Variants in AANAT observed in about 807,000 individuals in gnomAD.
AANAT encodes the protein aralkylamine N-acetyltransferase.
Under a neutral mutation model 15.6 loss-of-function variants are expected in AANAT, and 11 were observed. The ratio of observed to expected loss-of-function variants is 0.71; its 90% CI spans 0.44 to 1.17. The LOEUF is 1.17. AANAT is among the 50% of genes most tolerant of loss of function. The probability of loss-of-function intolerance (pLI) is 0.00; values close to 1 mark genes in which losing one functional copy is unlikely to be tolerated. For synonymous variants in AANAT, 139 were observed against 131.5 expected, an observed-to-expected ratio of 1.06 and a Z score of -0.39; for missense variants, 286 against 296.3, an observed-to-expected ratio of 0.97 and a Z score of 0.26.
chr17:76,469,523 C>T lies in AANAT; in HGVS notation c.319-142C>T. On this transcript the variant is annotated intron_variant, in intron 3 of 3. Coordinates refer to ENST00000392492, the MANE Select transcript of AANAT (RefSeq NM_001088.3). The surrounding 1 kb of genome is among the most constrained non-coding windows in gnomAD (Gnocchi z 5.2). ...TCCATGGGGTTGGGGGTATGGCTCC[C>T]AATTTGGGGCCCTCCTTTGCTGGGG... 8.2e-7 allele frequency: 1 copy of T among 1,223,464 alleles called. No individual in the cohort carries two copies. The highest frequency in any genetic ancestry group is 1.1e-6 in the Non-Finnish European group (1 of 908,242). 75.8% of individuals were successfully genotyped at this position (1,223,464 alleles called of 1,614,324 possible).
At chr17:76,464,962 A>G (rs978420707), upstream of AANAT, among the ~76,000 whole-genome samples, 7 of 151,706 alleles carry the variant, frequency 4.6e-5, no homozygotes, top group African/African-American at 1.7e-4. Flanking sequence ...CACCTGGCTG[A>G]TTTTTTGTAT....
Position 76,461,609 on chromosome 17 carries a change from A to G in AANAT, c.-455-707A>G, listed in dbSNP as rs1400131965. Among the ~76,000 whole-genome samples the G allele has an allele frequency of 4.2e-5, 6 of 143,416 alleles. No individual in the cohort carries two copies. The East Asian group carries it at 1.2e-3, about 29-fold the overall frequency. 94.1% of individuals were successfully genotyped at this position (143,416 alleles called of 152,430 possible). A position where few individuals can be genotyped will look rare whatever the true frequency, so the allele number is the denominator to read the frequency against. On this transcript the variant is annotated intron_variant, in intron 2 of 6. Coordinates refer to the AANAT transcript ENST00000250615. The stretch of plus-strand genomic sequence containing the variant: ...GGTGACAGAGTGAGCCTCCACCAAA[A>G]AAAAAAAAAAAAAAAAAAAAAGGAA...
chr17:76,467,632 G>A lies in AANAT; in HGVS notation c.-171G>A, dbSNP rs2073453678. On this transcript the variant is annotated 5_prime_UTR_variant, in exon 1 of 4. Coordinates refer to ENST00000392492, the MANE Select transcript of AANAT (RefSeq NM_001088.3). ...ATCTGCTACTACAGCCTTGCAGCCC[G>A]GAGTCCCGGATTTTACTGGTTCCCG... is the stretch of plus-strand genomic sequence containing the variant. 1 of 985,544 alleles carries A rather than the reference G, an allele frequency of 1.0e-6. No individual in the cohort carries two copies. The highest frequency in any genetic ancestry group is 1.2e-6 in the Non-Finnish European group (1 of 830,014). 61.0% of individuals were successfully genotyped at this position (985,544 alleles called of 1,614,324 possible). A position where few individuals can be genotyped will look rare whatever the true frequency, so the allele number is the denominator to read the frequency against.
rs1048033460 is a variant in AANAT, at chr17:76,467,649, T to G, written c.-154T>G. ...TGCAGCCCGGAGTCCCGGATTTTAC[T>G]GGTTCCCGTGCCTGCGGACAGGCCC... On this transcript the variant is annotated 5_prime_UTR_variant, in exon 1 of 4. Transcript: ENST00000392492. 103 of 985,570 alleles carry G rather than the reference T, an allele frequency of 1.0e-4. No individual in the cohort carries two copies. In the African/African-American group the frequency reaches 1.7e-3, roughly 16 times the overall value. The allele number at this position is 985,570 out of a possible 1,614,324, so 61.1% of individuals were successfully genotyped here.
At chr17:76,458,962 C>G (rs1307586372) in intron 1 of AANAT, among the ~76,000 whole-genome samples, 1 of 152,246 alleles carries the variant, frequency 6.6e-6, no homozygotes, top group Admixed American at 6.5e-5. Context: ...CAGCTGAATG[C>G]CGCTCAAGGC....
upstream of AANAT, among the ~76,000 whole-genome samples, chr17:76,465,458 C>A (rs1381441038): frequency 6.6e-6 from 1 of 151,804 alleles, no homozygotes. Context: ...ACCTCAGCCT[C>A]CCAAGTAGCT....
At position 76,457,199 on chromosome 17, in the gene AANAT, C is replaced by T. The variant is rs566185672; in HGVS notation, c.-575-2048C>T. 1.8e-3 allele frequency among the ~76,000 whole-genome samples: 277 copies of T among 152,226 alleles called. 1 individual carries two copies. Among genetic ancestry groups the T allele is most frequent in the Non-Finnish European group, 3.0e-3 (201 of 68,020 alleles). On this transcript the variant is annotated intron_variant, in intron 1 of 6. Coordinates refer to the AANAT transcript ENST00000250615. ...CTGGGATTACAGGCGCCCACCACCA[C>T]GGCTGGCTAATTTTTGTATTTTTAG...
chr17:76,455,450 CA>C (rs2073335062), intron 1 of AANAT, among the ~76,000 whole-genome samples: 1 of 152,024 alleles, frequency 6.6e-6, no homozygotes, highest in Admixed American at 6.5e-5. Context: ...GACTCTATCT[CA>C]AAAGAAAAAA....
At chr17:76,467,421 C>A, upstream of AANAT, 1 of 484,190 alleles carries the variant, frequency 2.1e-6, no homozygotes, top group Non-Finnish European at 2.7e-6. Flanking sequence ...TTCCCCAAAC[C>A]CTGGGGCCTC....
chr17:76,463,545 C>G (rs910604985), upstream of AANAT, among the ~76,000 whole-genome samples: 2 of 151,972 alleles, frequency 1.3e-5, no homozygotes, highest in African/African-American at 4.8e-5. Context: ...TGACCTCGAG[C>G]TATCCACCCA....
upstream of AANAT, among the ~76,000 whole-genome samples, chr17:76,462,708 G>T (rs1659537247): frequency 6.6e-6 from 1 of 152,238 alleles, no homozygotes; most frequent in Non-Finnish European, 1.5e-5. Flanking sequence ...GAAAGGTAAA[G>T]ACGATAACGC....
In AANAT at chr17:76,470,078, G is replaced by C. The variant is rs2073509812; in HGVS notation, c.*108G>C. The C allele has an allele frequency of 8.1e-7, 1 of 1,232,324 alleles. No individual in the cohort carries two copies. The highest frequency in any genetic ancestry group is 1.1e-6 in the Non-Finnish European group (1 of 924,154). 76.3% of individuals were successfully genotyped at this position (1,232,324 alleles called of 1,614,324 possible). A position where few individuals can be genotyped will look rare whatever the true frequency, so the allele number is the denominator to read the frequency against. The stretch of plus-strand genomic sequence containing the variant: ...GTTTCCAGAGAGTGGAGAGAGCAGG[G>C]CTAAATAAAGAGGAGATAAGGTGGC... On this transcript the variant is annotated 3_prime_UTR_variant, in exon 4 of 4. Transcript: ENST00000392492.
intron 1 of AANAT, among the ~76,000 whole-genome samples, chr17:76,457,943 G>A (rs993233367): frequency 2.0e-5 from 3 of 152,222 alleles, no homozygotes; most frequent in Non-Finnish European, 4.4e-5. Context: ...GGCTGAGGCT[G>A]GAGAATCACT....
Position 76,468,697 on chromosome 17 carries a change from G to T in AANAT, c.-50G>T. 1 of 1,572,910 alleles carries T rather than the reference G, an allele frequency of 6.4e-7. No individual in the cohort carries two copies. The highest frequency in any genetic ancestry group is 1.3e-5 in the African/African-American group (1 of 74,164). On this transcript the variant is annotated 5_prime_UTR_variant, in exon 2 of 4. The change creates a new upstream start codon in the 5' untranslated region. Transcript: ENST00000392492. ...GTGCTGGGAGGCCCTCCTTGGCTTA[G>T]GAGGACACTTCCAAAGCTGGGGCGC...
At chr17:76,455,857 C>T (rs1317002565) in intron 1 of AANAT, among the ~76,000 whole-genome samples, 1 of 151,820 alleles carries the variant, frequency 6.6e-6, no homozygotes, top group Non-Finnish European at 1.5e-5. Flanking sequence ...CTGCTAAAAA[C>T]ACAAAATTAG....
At chr17:76,468,600 C>A in intron 1 of AANAT, 72 bp from the exon 2 acceptor site, 2 of 1,350,006 alleles carry the variant, frequency 1.5e-6, no homozygotes, top group South Asian at 1.4e-5. Context: ...CAAAAGAGGC[C>A]AGATACATAC....
intron 1 of AANAT, among the ~76,000 whole-genome samples, chr17:76,468,158 G>A (rs2073459845): frequency 6.6e-6 from 1 of 152,182 alleles, no homozygotes. Flanking sequence ...TACCTAAAAA[G>A]CTCTCTGCCA....
intron 2 of AANAT, among the ~76,000 whole-genome samples, chr17:76,461,395 ACTGT>A (rs2073386865): frequency 6.6e-6 from 1 of 150,714 alleles, no homozygotes; most frequent in Non-Finnish European, 1.5e-5. Flanking sequence ...CCAACCACTG[ACTGT>A]CTGTAAGGGG....
In AANAT at chr17:76,469,869, G is replaced by A. The variant is rs552108207; in HGVS notation, c.523G>A (p.Ala175Thr). The A allele has an allele frequency of 1.1e-4, 181 of 1,594,384 alleles. 1 individual carries two copies. The South Asian group carries it at 1.8e-3, about 16-fold the overall frequency. The change falls in exon 4 of 4, where the codon GCC becomes ACC. Residue 175 changes from alanine to threonine, a missense_variant. Transcript: ENST00000392492. The surrounding 1 kb of genome is among the most constrained non-coding windows in gnomAD (Gnocchi z 5.2). ...VPFYERFSFH[A>T]VGPCAITVGS... ...CTTCTATGAGAGGTTCAGCTTCCAC[G>A]CCGTGGGCCCCTGCGCCATCACCGT... is the stretch of plus-strand genomic sequence containing the variant.
Sources: gnomAD v4.1 joint callset for allele counts (sites outside exome capture counted in the v4.1 genomes callset) on GRCh38, gnomAD v4.1.1 for gene constraint, Gnocchi (gnomAD v3.1) non-coding constraint, MANE v1.5 for transcripts, NCBI Gene and HGNC (gene_info 2026-07-23, HGNC 2026-07-21) for gene names.